The following LGALS12 variants were observed in gnomAD, a reference collection of about 807,000 sequenced individuals.
LGALS12 encodes the protein galectin-12.
A neutral mutation model predicts 36.8 loss-of-function variants in LGALS12; 36 were observed. The observed-to-expected ratio is 0.98, with a 90% CI of 0.75 to 1.29. The LOEUF is 1.29. Ranked by LOEUF, LGALS12 falls within the 50% of genes most tolerant of loss-of-function variation. The pLI is 0.00. For missense variants in LGALS12, 366 were observed against 394.3 expected (o/e 0.93, Z 0.61); for synonymous variants, 145 against 155.9 (o/e 0.93, Z 0.52).
In LGALS12 at chr11:63,516,348, G is replaced by C. The variant is rs200950233; in HGVS notation, c.900G>C (p.Glu300Asp). 3 of 1,613,848 alleles carry C rather than the reference G, an allele frequency of 1.9e-6. No homozygotes were observed. The highest frequency in any genetic ancestry group is 2.5e-6 in the Non-Finnish European group (3 of 1,179,942). The change falls in exon 9 of 9, where the codon GAG (glutamate) becomes GAC (aspartate). Residue 300 changes from glutamate to aspartate, a missense_variant. Coordinates refer to ENST00000394618, the MANE Select transcript of LGALS12 (RefSeq NM_033101.4). ...AGCAGGCCCTGGAGCAGCTGCGGGA[G>C]CTCCGGATCAGTGGAAGTGTCCAGC... ...MNQQALEQLRELRISGSVQLY... is the reference protein window; with the variant it reads ...MNQQALEQLRDLRISGSVQLY...
Position 63,506,096 on chromosome 11 carries a change from T to C in LGALS12, c.-363T>C. On this transcript the variant is annotated 5_prime_UTR_variant, in exon 1 of 9. Transcript: ENST00000394618. ...CGAGTTGGAAACCACAAACCCTCGT[T>C]GGCCCCACAGGAGCCAGCCTCTGGC... 1 of 350,292 alleles carries C rather than the reference T, an allele frequency of 2.9e-6. No homozygotes were observed. Among genetic ancestry groups the C allele is most frequent in the Non-Finnish European group, 5.3e-6 (1 of 189,102 alleles). 21.7% of individuals were successfully genotyped at this position (350,292 alleles called of 1,614,324 possible).
chr11:63,506,370 A>G lies in LGALS12; in HGVS notation c.-89A>G. The G allele has an allele frequency of 6.2e-7, 1 of 1,614,040 alleles. No homozygotes were observed. Among genetic ancestry groups the G allele is most frequent in the East Asian group, 2.2e-5 (1 of 44,886 alleles). On this transcript the variant is annotated 5_prime_UTR_variant, in exon 1 of 9. Transcript: ENST00000394618. Reference sequence around the variant, plus strand: ...AACAGCTGGGAGAGCTGCTCCAGGCATTTAGGACCCTGACTGGGGCAGATG... The same window carrying G: ...AACAGCTGGGAGAGCTGCTCCAGGCGTTTAGGACCCTGACTGGGGCAGATG...
intron 5 of LGALS12, 134 bp downstream of exon 5, chr11:63,510,635 T>G: frequency 1.2e-6 from 1 of 816,538 alleles, no homozygotes; most frequent in South Asian, 1.7e-5. Context: ...CTGGCTCTGC[T>G]TCAGTCTCTG....
intron 6 of LGALS12, 99 bp downstream of exon 6, chr11:63,511,204 T>C (rs1683791392): frequency 3.4e-6 from 4 of 1,177,200 alleles, no homozygotes; most frequent in Non-Finnish European, 3.8e-6. Flanking sequence ...AGCCTCAGGA[T>C]TTCCCCTTCC....
In LGALS12 at chr11:63,511,752, G is replaced by A; in HGVS notation, c.559G>A (p.Glu187Lys). Residue 187 changes from glutamate to lysine, a missense_variant and splice_region_variant, in exon 7 of 9, where the codon GAG (glutamate) becomes AAG (lysine). Coordinates refer to ENST00000394618, the MANE Select transcript of LGALS12 (RefSeq NM_033101.4). ...HPFLLMSPRL[E>K]VPCSHALPQG... ...CTCAATACCTCCCTTGTTCCTTCAG[G>A]AGGTGCCCTGCTCACATGCTCTTCC... 6 of 1,611,614 alleles carry A rather than the reference G, an allele frequency of 3.7e-6. No homozygotes were observed. Among genetic ancestry groups the A allele is most frequent in the Non-Finnish European group, 5.1e-6 (6 of 1,178,072 alleles).
chr11:63,515,793 G>A (rs570089801), intron 8 of LGALS12, 80 bp downstream of exon 8: 39 of 1,494,286 alleles, frequency 2.6e-5, no homozygotes, highest in Middle Eastern at 3.5e-4. Context: ...GAGATGCTGG[G>A]GCAGGTGTGC....
In LGALS12 at chr11:63,516,346, G is replaced by C. The variant is rs760918061; in HGVS notation, c.898G>C (p.Glu300Gln). Residue 300 changes from glutamate (E) to glutamine (Q), a missense_variant, in exon 9 of 9, where the codon GAG becomes CAG. By Grantham distance (29) the Glu-to-Gln change is conservative (BLOSUM62 2). Coordinates refer to ENST00000394618, the MANE Select transcript of LGALS12 (RefSeq NM_033101.4). ...MNQQALEQLR[E>Q]LRISGSVQLY... is the part of the protein sequence containing the mutation. ...CCAGCAGGCCCTGGAGCAGCTGCGG[G>C]AGCTCCGGATCAGTGGAAGTGTCCA... 51 of 1,613,700 alleles carry C rather than the reference G, an allele frequency of 3.2e-5. No homozygotes were observed. Among genetic ancestry groups the C allele is most frequent in the Non-Finnish European group, 4.3e-5 (51 of 1,179,938 alleles).
In LGALS12 at chr11:63,506,423, G is replaced by A. The variant is rs61733852; in HGVS notation, c.-36G>A. 459 of 1,614,240 alleles carry A rather than the reference G, an allele frequency of 2.8e-4. 5 individuals carry two copies. In the African/African-American group the frequency reaches 5.6e-3, roughly 20 times the overall value. Reference sequence around the variant, plus strand: ...TCAGCCCAGTGGGGGCAGGGCTCCTGGAACGAGGATCTACAGTTGGAGTTG... The same window carrying A: ...TCAGCCCAGTGGGGGCAGGGCTCCTAGAACGAGGATCTACAGTTGGAGTTG... On this transcript the variant is annotated 5_prime_UTR_variant, in exon 1 of 9. Transcript: ENST00000394618.
intron 1 of LGALS12, 29 bp downstream of exon 1, chr11:63,506,556 C>T: frequency 1.9e-6 from 3 of 1,614,002 alleles, no homozygotes; most frequent in Admixed American, 1.7e-5. Context: ...GTGGAACCTC[C>T]TCGGTCTCTG....
At chr11:63,510,365 G>T in intron 4 of LGALS12, 98 bp from the exon 5 acceptor site, 1 of 1,175,176 alleles carries the variant, frequency 8.5e-7, no homozygotes, top group Non-Finnish European at 1.3e-6. Flanking sequence ...GGGAACATGA[G>T]GAGCTGTAAA....
chr11:63,507,681 A>C (rs1349043131), intron 1 of LGALS12, among the ~76,000 whole-genome samples: 1 of 147,456 alleles, frequency 6.8e-6, no homozygotes, highest in African/African-American at 2.5e-5. Flanking sequence ...AAAGGCAGGA[A>C]GTTGTAAAAC....
rs201635291 is a variant in LGALS12, at chr11:63,516,352, C to T, written c.904C>T (p.Arg302Trp). ...GGCCCTGGAGCAGCTGCGGGAGCTCCGGATCAGTGGAAGTGTCCAGCTCTA... is the reference window on the plus strand; with the variant it reads ...GGCCCTGGAGCAGCTGCGGGAGCTCTGGATCAGTGGAAGTGTCCAGCTCTA... ...QQALEQLRELRISGSVQLYCV... is the reference protein window; with the variant it reads ...QQALEQLRELWISGSVQLYCV... The change falls in exon 9 of 9, where the codon CGG becomes TGG. Residue 302 changes from arginine (R) to tryptophan (W), a missense_variant. Physicochemically the swap from Arg to Trp is moderately radical, Grantham distance 101. Coordinates refer to ENST00000394618, the MANE Select transcript of LGALS12 (RefSeq NM_033101.4). The T allele has an allele frequency of 2.5e-5, 41 of 1,613,864 alleles. No homozygotes were observed. The East Asian group carries it at 2.7e-4, about 11-fold the overall frequency.
In LGALS12 at chr11:63,514,547, G is replaced by C. The variant is rs192050710; in HGVS notation, c.648-1016G>C. On this transcript the variant is annotated intron_variant, in intron 7 of 8. Transcript: ENST00000394618. ...GATCGTGCCACTGCACTCCAGCTTG[G>C]TGACAGAGCAAGACTCTGTCTCAAA... Among the ~76,000 whole-genome samples, 466 of 152,240 alleles carry C rather than the reference G, an allele frequency of 3.1e-3. 2 individuals are homozygous for C. The highest frequency in any genetic ancestry group is 0.011 in the African/African-American group (441 of 41,530).
At chr11:63,509,016 T>G in intron 3 of LGALS12, 25 bp downstream of exon 3, 1 of 1,585,580 alleles carries the variant, frequency 6.3e-7, no homozygotes, top group Non-Finnish European at 8.7e-7. Flanking sequence ...GGGCATTGGG[T>G]GGTCTAGAAT....
chr11:63,506,401 G>T lies in LGALS12; in HGVS notation c.-58G>T, dbSNP rs1337806912. 6.2e-7 allele frequency: 1 copy of T among 1,614,218 alleles called. No homozygotes were observed. Among genetic ancestry groups the T allele is most frequent in the South Asian group, 1.1e-5 (1 of 91,086 alleles). On this transcript the variant is annotated 5_prime_UTR_variant, in exon 1 of 9. Coordinates refer to ENST00000394618, the MANE Select transcript of LGALS12 (RefSeq NM_033101.4). ...GACCCTGACTGGGGCAGATGAGTCA[G>T]CCCAGTGGGGGCAGGGCTCCTGGAA...
In LGALS12 at chr11:63,516,415, G is replaced by A. The variant is rs886400760; in HGVS notation, c.*22G>A. The A allele has an allele frequency of 9.3e-6, 15 of 1,613,164 alleles. No individual in the cohort carries two copies. The highest frequency in any genetic ancestry group is 3.3e-5 in the Admixed American group (2 of 59,996). ...CTGAGGATGGTTCCAGGGAAATACC[G>A]CCAGAAAACAAGAAGGTCAGCCCAC... On this transcript the variant is annotated 3_prime_UTR_variant, in exon 9 of 9. Transcript: ENST00000394618.
At chr11:63,507,560 A>C (rs1355901880) in intron 1 of LGALS12, among the ~76,000 whole-genome samples, 9 of 152,088 alleles carry the variant, frequency 5.9e-5, no homozygotes, top group Non-Finnish European at 2.9e-5. Context: ...AGCCAGCCAC[A>C]TGAGCAAAAT....
Position 63,515,722 on chromosome 11 carries a change from G to C in LGALS12, c.798+9G>C. On this transcript the variant is annotated intron_variant, in intron 8 of 8. Transcript: ENST00000394618. ...CCCAGAGATTCTTTGAGGTAGGTCA[G>C]AGCCAAATGATTACATCCCTTCAGG... The C allele has an allele frequency of 3.7e-6, 6 of 1,613,452 alleles. No individual in the cohort carries two copies. Among genetic ancestry groups the C allele is most frequent in the Non-Finnish European group, 5.1e-6 (6 of 1,179,708 alleles).
At chr11:63,511,940 T>C in intron 7 of LGALS12, 100 bp downstream of exon 7, 2 of 833,374 alleles carry the variant, frequency 2.4e-6, no homozygotes, top group East Asian at 2.5e-5. Flanking sequence ...CACCACCATT[T>C]AATCCCCATT....
Sources: gnomAD v4.1 joint callset for allele counts (sites outside exome capture counted in the v4.1 genomes callset) on GRCh38, gnomAD v4.1.1 for gene constraint, MANE v1.5 for transcripts, NCBI Gene and HGNC (gene_info 2026-07-23, HGNC 2026-07-21) for gene names.